Variants in DCLK1 observed in about 807,000 individuals in gnomAD.
The protein encoded by DCLK1 is doublecortin like kinase 1, also known as serine/threonine-protein kinase DCLK1.
DCLK1 carries 16 observed loss-of-function variants against 86.2 expected under a neutral mutation model. The ratio of observed to expected loss-of-function variants is 0.19; its 90% CI spans 0.13 to 0.28. DCLK1 has a LOEUF of 0.28. Ranked by LOEUF, DCLK1 falls within the 10% of genes least tolerant of loss-of-function variation. The probability of loss-of-function intolerance (pLI) is 1.00; values close to 1 mark genes in which losing one functional copy is unlikely to be tolerated. For missense variants in DCLK1, 590 were observed against 940.2 expected, an observed-to-expected ratio of 0.63 and a Z score of 4.87; for synonymous variants, 369 against 370.5, an observed-to-expected ratio of 1.00 and a Z score of 0.05.
At chr13:36,003,866 C>T (rs1330895136) in intron 3 of DCLK1, among the ~76,000 whole-genome samples, 2 of 152,052 alleles carry the variant, frequency 1.3e-5, no homozygotes, top group East Asian at 1.9e-4. Flanking sequence ...TTTTCTGTTG[C>T]CAATTTTTCT....
chr13:35,845,300 C>T (rs1870098080), intron 6 of DCLK1, among the ~76,000 whole-genome samples: 1 of 152,156 alleles, frequency 6.6e-6, no homozygotes, highest in South Asian at 2.1e-4. Context: ...TTCCTATCCT[C>T]TTTAACATCC....
At position 36,101,741 on chromosome 13, in the gene DCLK1, A is replaced by AT. The variant is rs57153182; in HGVS notation, c.723+10127dup. 6.1e-3 allele frequency among the ~76,000 whole-genome samples: 915 copies of AT among 149,248 alleles called. 8 individuals are homozygous for AT. Among genetic ancestry groups the AT allele is most frequent in the African/African-American group, 0.021 (871 of 40,660 alleles). On this transcript the variant is annotated intron_variant, in intron 3 of 16. Transcript: ENST00000360631. ...TGGTACTGAGGTTTTTATTTATTTA[A>AT]TTTTTTTTTTCTTTTGAGACAGAGT...
chr13:35,788,282 C>G lies in DCLK1; in HGVS notation c.2058+5084G>C. ...GATCTCTTGATGGTAAACCCGTGGT[C>G]CAGCTGAGCAGAGAGAAATGGGGCA... On this transcript the variant is annotated intron_variant, in intron 16 of 16. Transcript: ENST00000360631. The G allele has an allele frequency of 6.2e-7, 1 of 1,613,876 alleles. No homozygotes were observed. The highest frequency in any genetic ancestry group is 8.5e-7 in the Non-Finnish European group (1 of 1,179,816).
chr13:35,869,379 CAT>C (rs1872103019), intron 5 of DCLK1, among the ~76,000 whole-genome samples: 1 of 152,168 alleles, frequency 6.6e-6, no homozygotes, highest in Admixed American at 6.5e-5. Flanking sequence ...GAGGCCAGGT[CAT>C]TGCAAGGAGG....
chr13:35,808,940 G>T, intron 13 of DCLK1, 78 bp downstream of exon 13: 1 of 1,295,540 alleles, frequency 7.7e-7, no homozygotes, highest in Non-Finnish European at 1.1e-6. Context: ...AGGCTCCTTT[G>T]TGCAAGAAGG....
chr13:35,974,329 C>T (rs1348896823), intron 3 of DCLK1, among the ~76,000 whole-genome samples: 1 of 152,122 alleles, frequency 6.6e-6, no homozygotes, highest in Non-Finnish European at 1.5e-5. Context: ...TGCTACTGTC[C>T]TTACACAAAG....
At chr13:35,978,092 G>A (rs1245115680) in intron 3 of DCLK1, among the ~76,000 whole-genome samples, 1 of 150,952 alleles carries the variant, frequency 6.6e-6, no homozygotes, top group Non-Finnish European at 1.5e-5. Flanking sequence ...TTTCAAATAT[G>A]TCACTGTGTT....
At chr13:35,784,231 G>C (rs1418778866) in intron 16 of DCLK1, among the ~76,000 whole-genome samples, 1 of 152,104 alleles carries the variant, frequency 6.6e-6, no homozygotes, top group Non-Finnish European at 1.5e-5. Context: ...AGGAATCTTA[G>C]GAAAATGTTA....
chr13:36,031,325 ACAC>A lies in DCLK1; in HGVS notation c.723+80541_723+80543del, dbSNP rs755958724. Among the ~76,000 whole-genome samples, 92 of 148,706 alleles carry A rather than the reference ACAC, an allele frequency of 6.2e-4. 1 individual carries two copies. The highest frequency in any genetic ancestry group is 1.7e-3 in the Admixed American group (26 of 15,020). ...ATGGACTGGGTCCAATATCAACCAC[ACAC>A]ACACAAAAAAAGACGAGCTTCAAAA... is the stretch of plus-strand genomic sequence containing the variant. On this transcript the variant is annotated intron_variant, in intron 3 of 16. Coordinates refer to ENST00000360631, the MANE Select transcript of DCLK1 (RefSeq NM_001330071.2).
At chr13:36,068,869 T>C (rs866661745) in intron 3 of DCLK1, among the ~76,000 whole-genome samples, 15 of 152,202 alleles carry the variant, frequency 9.9e-5, no homozygotes, top group South Asian at 2.1e-4. Flanking sequence ...CTGAACTGGT[T>C]TGGATGAGTT....
chr13:35,953,147 T>C (rs765565280), intron 3 of DCLK1, among the ~76,000 whole-genome samples: 8 of 152,244 alleles, frequency 5.3e-5, no homozygotes, highest in Non-Finnish European at 1.2e-4. Flanking sequence ...ATGATAACAC[T>C]GAATCCTTTC....
chr13:36,128,299 A>G (rs1886256832), intron 1 of DCLK1, among the ~76,000 whole-genome samples: 1 of 152,190 alleles, frequency 6.6e-6, no homozygotes, highest in South Asian at 2.1e-4. Context: ...GGTAGGTAAT[A>G]TTATTAATAT....
chr13:35,947,577 T>C (rs1593758521), intron 3 of DCLK1, 120 bp from the exon 4 acceptor site: 2 of 652,180 alleles, frequency 3.1e-6, no homozygotes, highest in Non-Finnish European at 5.0e-6. Flanking sequence ...ACAGGGCAGC[T>C]TCCACAGAGG....
At chr13:36,085,597 T>C (rs1884563893) in intron 3 of DCLK1, among the ~76,000 whole-genome samples, 1 of 152,186 alleles carries the variant, frequency 6.6e-6, no homozygotes, top group South Asian at 2.1e-4. Flanking sequence ...TTTTCCCTAA[T>C]TTTTTCTATC....
chr13:36,091,212 T>C (rs922973608), intron 3 of DCLK1, among the ~76,000 whole-genome samples: 2 of 152,186 alleles, frequency 1.3e-5, no homozygotes, highest in Admixed American at 6.5e-5. Flanking sequence ...TTGTCAATTC[T>C]GGCTTTTGTT....
At chr13:35,991,626 T>C (rs1333085581) in intron 3 of DCLK1, among the ~76,000 whole-genome samples, 2 of 152,178 alleles carry the variant, frequency 1.3e-5, no homozygotes, top group African/African-American at 4.8e-5. Context: ...ATCATACCAC[T>C]GCACTAGAAC....
At chr13:35,959,825 G>A (rs1878354472) in intron 3 of DCLK1, among the ~76,000 whole-genome samples, 1 of 150,956 alleles carries the variant, frequency 6.6e-6, no homozygotes, top group Non-Finnish European at 1.5e-5. Context: ...CTAGAAATTA[G>A]AGCTCATGAA....
At chr13:35,847,085 T>C in intron 6 of DCLK1, 1 of 983,068 alleles carries the variant, frequency 1.0e-6, no homozygotes, top group Non-Finnish European at 1.2e-6. Flanking sequence ...ACACACACAA[T>C]AGAAAAAAAT....
At chr13:36,002,178 C>T (rs527321249) in intron 3 of DCLK1, among the ~76,000 whole-genome samples, 13 of 152,196 alleles carry the variant, frequency 8.5e-5, no homozygotes, top group Non-Finnish European at 1.6e-4. Flanking sequence ...GCTTTTTGGT[C>T]TTTTCAACAT....
Sources: allele counts gnomAD v4.1 joint callset (sites outside exome capture counted in the v4.1 genomes callset), GRCh38; gene constraint gnomAD v4.1.1; transcripts MANE v1.5; gene names NCBI Gene and HGNC (gene_info 2026-07-23, HGNC 2026-07-21).